Variants in MYO16 observed in about 807,000 individuals in gnomAD.
MYO16 encodes the protein unconventional myosin-XVI.
MYO16 carries 94 observed loss-of-function variants against 205.3 expected under a neutral mutation model. That is an observed-to-expected ratio of 0.46 (90% confidence interval 0.39 to 0.54). MYO16 has a LOEUF of 0.54. Among genes scored for constraint, MYO16 ranks in the 20% least tolerant of loss-of-function variants. MYO16 has a pLI of 0.00. For synonymous variants in MYO16, 988 were observed against 954.0 expected (o/e 1.04, Z -0.66); for missense variants, 2,315 against 2,387.5 (o/e 0.97, Z 0.63).
At chr13:109,062,451 T>C (rs1372949098) in intron 27 of MYO16, among the ~76,000 whole-genome samples, 2 of 152,168 alleles carry the variant, frequency 1.3e-5, no homozygotes, top group African/African-American at 4.8e-5. Flanking sequence ...GGATGAGAAA[T>C]GGTACTTTTA....
the MYO16 span, among the ~76,000 whole-genome samples, chr13:108,534,030 A>C: frequency 3.0e-4 from 46 of 152,288 alleles, no homozygotes; most frequent in Admixed American, 3.0e-3. Context: ...GAAGTGTTAC[A>C]ACTCAAGCTA....
intron 2 of MYO16, among the ~76,000 whole-genome samples, chr13:108,683,219 C>T (rs1029361664): frequency 5.9e-5 from 9 of 152,220 alleles, no homozygotes; most frequent in East Asian, 1.9e-4. Context: ...ATTCAATTCT[C>T]GATATAAGTG....
the MYO16 span, among the ~76,000 whole-genome samples, chr13:108,580,343 T>C: frequency 6.6e-6 from 1 of 152,156 alleles, no homozygotes; most frequent in African/African-American, 2.4e-5. Context: ...TGTGCGACAA[T>C]TTGAGGGCAG....
At position 108,957,819 on chromosome 13, in the gene MYO16, T is replaced by C; in HGVS notation, c.2037+20T>C. ...AGCTTGGTGAGTCATGTCATAAATA[T>C]TTCACTGAGAAAATCAACCTTCTAC... On this transcript the variant is annotated intron_variant, in intron 17 of 34. Coordinates refer to ENST00000457511, the MANE Select transcript of MYO16 (RefSeq NM_001198950.3). The C allele has an allele frequency of 1.3e-6, 2 of 1,553,102 alleles. No individual in the cohort carries two copies. Among genetic ancestry groups the C allele is most frequent in the South Asian group, 1.1e-5 (1 of 89,432 alleles).
intron 27 of MYO16, among the ~76,000 whole-genome samples, chr13:109,096,012 G>A (rs1268688999): frequency 6.6e-6 from 1 of 152,240 alleles, no homozygotes; most frequent in Non-Finnish European, 1.5e-5. Context: ...CGGCGATGAA[G>A]AGCTTGGCCC....
chr13:108,751,050 T>A (rs905930118), intron 4 of MYO16, among the ~76,000 whole-genome samples: 3 of 130,066 alleles, frequency 2.3e-5, no homozygotes, highest in Admixed American at 7.8e-5. Flanking sequence ...TAAATATATA[T>A]ATATGTGTGT....
intron 20 of MYO16, among the ~76,000 whole-genome samples, chr13:108,974,346 AG>A (rs1352149320): frequency 6.6e-6 from 1 of 152,126 alleles, no homozygotes; most frequent in African/African-American, 2.4e-5. Flanking sequence ...AACCTCTTCT[AG>A]GTCAAGGTCT....
At chr13:108,763,742 C>T (rs1482615877) in intron 4 of MYO16, among the ~76,000 whole-genome samples, 1 of 150,578 alleles carries the variant, frequency 6.6e-6, no homozygotes, top group African/African-American at 2.5e-5. Flanking sequence ...TTTGAGAAGT[C>T]TAAGAGACAG....
chr13:109,033,938 T>G (rs1157979138), intron 23 of MYO16, among the ~76,000 whole-genome samples: 1 of 152,146 alleles, frequency 6.6e-6, no homozygotes, highest in African/African-American at 2.4e-5. Context: ...CCTCCTGCCT[T>G]GTCATTTTCT....
Position 108,701,051 on chromosome 13 carries a change from A to C in MYO16, c.293-11610A>C, listed in dbSNP as rs543348951. ...TTTATTGTTTCAAGCCATTTAAGGA[A>C]ATATGTTTACTCATTGACTACTACG... On this transcript the variant is annotated intron_variant, in intron 2 of 34. Coordinates refer to ENST00000457511, the MANE Select transcript of MYO16 (RefSeq NM_001198950.3). Among the ~76,000 whole-genome samples, 19 of 152,238 alleles carry C rather than the reference A, an allele frequency of 1.2e-4. No individual in the cohort carries two copies. The South Asian group carries it at 3.9e-3, about 32-fold the overall frequency.
At chr13:109,094,416 C>T (rs1176840924) in intron 27 of MYO16, among the ~76,000 whole-genome samples, 2 of 151,988 alleles carry the variant, frequency 1.3e-5, no homozygotes, top group African/African-American at 2.4e-5. Context: ...TTGCTGTGTT[C>T]CTCAGATTGG....
At chr13:108,738,593 C>T (rs1884788160) in intron 4 of MYO16, among the ~76,000 whole-genome samples, 5 of 152,118 alleles carry the variant, frequency 3.3e-5, no homozygotes. Context: ...TGATGTGGTG[C>T]TGAGAAGAAT....
At chr13:109,077,776 G>A (rs967963928) in intron 27 of MYO16, among the ~76,000 whole-genome samples, 5 of 152,088 alleles carry the variant, frequency 3.3e-5, no homozygotes, top group Non-Finnish European at 5.9e-5. Context: ...GTTCCTTCAT[G>A]CTTCTTGTGC....
At chr13:108,904,081 A>G (rs762146763) in intron 15 of MYO16, among the ~76,000 whole-genome samples, 19 of 152,132 alleles carry the variant, frequency 1.2e-4, no homozygotes, top group Non-Finnish European at 2.5e-4. Flanking sequence ...TTTAATGTCA[A>G]TCTTTCATCA....
At chr13:109,029,364 A>C (rs1886479397) in intron 23 of MYO16, among the ~76,000 whole-genome samples, 1 of 151,588 alleles carries the variant, frequency 6.6e-6, no homozygotes, top group South Asian at 2.1e-4. Flanking sequence ...TCGGCCTCCC[A>C]CCTTAAACAT....
chr13:108,692,474 G>T (rs561766247), intron 2 of MYO16, among the ~76,000 whole-genome samples: 25 of 152,252 alleles, frequency 1.6e-4, no homozygotes, highest in Middle Eastern at 6.8e-3. Flanking sequence ...TCCTGTGAAG[G>T]CCTAACTCTG....
chr13:108,593,488 C>T (rs1268491806), upstream of MYO16, among the ~76,000 whole-genome samples: 1 of 152,132 alleles, frequency 6.6e-6, no homozygotes, highest in Non-Finnish European at 1.5e-5. Context: ...CACGGCAGGA[C>T]GGTGCAGTCT....
At chr13:108,997,338 A>C (rs9587735) in intron 21 of MYO16, among the ~76,000 whole-genome samples, 1 of 5,542 alleles carries the variant, frequency 1.8e-4, no homozygotes. Context: ...GAAAGAAAGA[A>C]AGAGAGAGAG....
At chr13:108,938,725 A>T (rs1882596488) in intron 16 of MYO16, among the ~76,000 whole-genome samples, 1 of 152,248 alleles carries the variant, frequency 6.6e-6, no homozygotes, top group South Asian at 2.1e-4. Context: ...CTAGGCATGG[A>T]GCAGAGAGGA....
Sources: gnomAD v4.1 joint callset for allele counts (sites outside exome capture counted in the v4.1 genomes callset) on GRCh38, gnomAD v4.1.1 for gene constraint, MANE v1.5 for transcripts, NCBI Gene and HGNC (gene_info 2026-07-23, HGNC 2026-07-21) for gene names.